The following SSH2 variants were observed in gnomAD, a reference collection of about 807,000 sequenced individuals.
SSH2 encodes the protein protein phosphatase Slingshot homolog 2.
SSH2 carries 37 observed loss-of-function variants against 135.2 expected under a neutral mutation model. That is an observed-to-expected ratio of 0.27 (90% CI 0.21 to 0.36). The LOEUF is 0.36. SSH2 is among the 10% of genes least tolerant of loss of function. SSH2 has a pLI of 1.00. For synonymous variants in SSH2, 628 were observed against 646.2 expected, an observed-to-expected ratio of 0.97 and a Z score of 0.43; for missense variants, 1,408 against 1,765.3, an observed-to-expected ratio of 0.80 and a Z score of 3.63.
chr17:29,836,441 C>T (rs1259906646), intron 2 of SSH2, among the ~76,000 whole-genome samples: 1 of 152,108 alleles, frequency 6.6e-6, no homozygotes. Context: ...TACCCATTGC[C>T]TAGTGCTCTG....
chr17:29,643,253 G>A, intron 14 of SSH2: 1 of 985,236 alleles, frequency 1.0e-6, no homozygotes, highest in South Asian at 4.7e-5. Context: ...CAAGTACCAA[G>A]GTGTCCTAAT....
intron 3 of SSH2, among the ~76,000 whole-genome samples, chr17:29,722,918 T>C (rs1472372558): frequency 1.3e-5 from 2 of 152,162 alleles, no homozygotes; most frequent in African/African-American, 2.4e-5. Flanking sequence ...AAACCAACAA[T>C]CCGAAGCCAC....
At chr17:29,715,524 C>A (rs3102556) in intron 3 of SSH2, among the ~76,000 whole-genome samples, 1 of 152,034 alleles carries the variant, frequency 6.6e-6, no homozygotes, top group South Asian at 2.1e-4. Context: ...CGATTACAGG[C>A]GTGAGCCACT....
chr17:29,853,086 ATTT>A (rs35782935), intron 1 of SSH2, among the ~76,000 whole-genome samples: 2 of 134,774 alleles, frequency 1.5e-5, no homozygotes, highest in African/African-American at 2.7e-5. Context: ...CACTGCAGAG[ATTT>A]TTTTTTTTTT....
chr17:29,839,825 A>G (rs1318642895), intron 2 of SSH2, among the ~76,000 whole-genome samples: 1 of 152,218 alleles, frequency 6.6e-6, no homozygotes, highest in Non-Finnish European at 1.5e-5. Flanking sequence ...GCAATCCAGC[A>G]TAAGTTAAAG....
At chr17:29,733,042 C>T (rs1210298252) in intron 3 of SSH2, among the ~76,000 whole-genome samples, 1 of 152,132 alleles carries the variant, frequency 6.6e-6, no homozygotes, top group Non-Finnish European at 1.5e-5. Context: ...AACAGGTTTT[C>T]AACCTGGGAA....
intron 8 of SSH2, among the ~76,000 whole-genome samples, chr17:29,673,702 G>A (rs2037589805): frequency 6.6e-6 from 1 of 152,044 alleles, no homozygotes; most frequent in Non-Finnish European, 1.5e-5. Context: ...CCACTGTTAA[G>A]ATTTTAGCGT....
intron 2 of SSH2, among the ~76,000 whole-genome samples, chr17:29,794,180 G>A (rs1475143400): frequency 6.6e-6 from 1 of 152,138 alleles, no homozygotes; most frequent in African/African-American, 2.4e-5. Context: ...TGACAATGAA[G>A]TGCTATTCAT....
At position 29,694,645 on chromosome 17, in the gene SSH2, G is replaced by T. The variant is rs2038646210; in HGVS notation, c.357+814C>A. Among the ~76,000 whole-genome samples the T allele has an allele frequency of 2.0e-5, 3 of 152,032 alleles. 1 individual carries two copies. The highest frequency in any genetic ancestry group is 2.0e-4 in the Admixed American group (3 of 15,252). On this transcript the variant is annotated intron_variant, in intron 5 of 15. Coordinates refer to ENST00000540801, the MANE Select transcript of SSH2 (RefSeq NM_001282129.2). ...GATTGTGCCACTGCACTCCAGCCTGGGCAAAAGAGCAAGACTCCGTCTCAC... is the reference window on the plus strand; with the variant it reads ...GATTGTGCCACTGCACTCCAGCCTGTGCAAAAGAGCAAGACTCCGTCTCAC...
chr17:29,837,666 C>T (rs921100931), intron 2 of SSH2, among the ~76,000 whole-genome samples: 1 of 152,222 alleles, frequency 6.6e-6, no homozygotes, highest in African/African-American at 2.4e-5. Flanking sequence ...CCTGCCACAT[C>T]CCAGGAGCCT....
At chr17:29,886,988 T>C (rs888524999) in intron 1 of SSH2, among the ~76,000 whole-genome samples, 40 of 152,096 alleles carry the variant, frequency 2.6e-4, no homozygotes, top group African/African-American at 9.7e-4. Flanking sequence ...ATTAAAGATT[T>C]TTTTCTCGGA....
intron 3 of SSH2, among the ~76,000 whole-genome samples, chr17:29,711,460 G>A (rs2039428637): frequency 6.6e-6 from 1 of 152,126 alleles, no homozygotes; most frequent in African/African-American, 2.4e-5. Context: ...CTTTAACCAT[G>A]TGCATCTTAG....
chr17:29,744,889 G>GTGTGTT, intron 3 of SSH2, among the ~76,000 whole-genome samples: 1 of 151,476 alleles, frequency 6.6e-6, no homozygotes, highest in African/African-American at 2.4e-5. Context: ...GTGTGTGTGT[G>GTGTGTT]TGTGTGTGTG....
intron 8 of SSH2, chr17:29,674,158 C>T (rs2037610372): frequency 2.2e-6 from 1 of 456,554 alleles, no homozygotes; most frequent in African/African-American, 2.0e-5. Context: ...TCCCTGTCAA[C>T]CCTATACAAT....
At chr17:29,734,743 C>T (rs1008345811) in intron 3 of SSH2, among the ~76,000 whole-genome samples, 1 of 152,184 alleles carries the variant, frequency 6.6e-6, no homozygotes, top group Non-Finnish European at 1.5e-5. Flanking sequence ...CACAAATATT[C>T]AGGCTTTATT....
At chr17:29,647,945 G>A (rs1163595675) in intron 14 of SSH2, 199 bp downstream of exon 14, 1 of 567,800 alleles carries the variant, frequency 1.8e-6, no homozygotes, top group Non-Finnish European at 3.1e-6. Context: ...TTACAGGCGT[G>A]AGCCACTGTG....
At chr17:29,698,483 TTTTTA>T (rs973464093) in intron 4 of SSH2, among the ~76,000 whole-genome samples, 5 of 152,062 alleles carry the variant, frequency 3.3e-5, no homozygotes, top group Non-Finnish European at 5.9e-5. Flanking sequence ...CTGAGGATAC[TTTTTA>T]TTTTATTTTT....
chr17:29,635,926 A>C, intron 15 of SSH2, 42 bp downstream of exon 15: 1 of 1,418,172 alleles, frequency 7.1e-7, no homozygotes, highest in Non-Finnish European at 9.7e-7. Context: ...TTACCTTTGA[A>C]GAGAACTTCA....
At chr17:29,654,306 G>C (rs1257709829) in intron 12 of SSH2, among the ~76,000 whole-genome samples, 1 of 152,152 alleles carries the variant, frequency 6.6e-6, no homozygotes, top group African/African-American at 2.4e-5. Flanking sequence ...AGTTTTCCAA[G>C]TTTTATTTAA....
Sources: gnomAD v4.1 joint callset for allele counts (sites outside exome capture counted in the v4.1 genomes callset) on GRCh38, gnomAD v4.1.1 for gene constraint, MANE v1.5 for transcripts, NCBI Gene and HGNC (gene_info 2026-07-23, HGNC 2026-07-21) for gene names.